The following DPF3 variants were observed in gnomAD, a reference collection of about 807,000 sequenced individuals.
The protein encoded by DPF3 is double PHD fingers 3.
In DPF3, 18 loss-of-function variants were observed where a neutral mutation model predicts 56.8. The ratio of observed to expected loss-of-function variants is 0.32; its 90% CI spans 0.22 to 0.47. The LOEUF (loss-of-function observed/expected upper bound fraction) is 0.47. Ranked by LOEUF, DPF3 falls within the 20% of genes least tolerant of loss-of-function variation. The pLI is 1.00. For synonymous variants in DPF3, 188 were observed against 180.2 expected (o/e 1.04, Z -0.35); for missense variants, 403 against 488.8 (o/e 0.82, Z 1.65).
chr14:72,871,712 A>T (rs1050655836), intron 1 of DPF3, among the ~76,000 whole-genome samples: 4 of 152,040 alleles, frequency 2.6e-5, no homozygotes, highest in African/African-American at 9.7e-5. Context: ...GGCAGGCCCT[A>T]CCTCCACTTT....
chr14:72,669,518 C>T (rs1262147498), intron 8 of DPF3, among the ~76,000 whole-genome samples: 1 of 152,130 alleles, frequency 6.6e-6, no homozygotes. Context: ...TAAGAAATAC[C>T]ACCTAGACAT....
intron 2 of DPF3, among the ~76,000 whole-genome samples, chr14:72,764,362 A>G (rs990601553): frequency 4.6e-5 from 7 of 151,880 alleles, no homozygotes; most frequent in Non-Finnish European, 2.9e-5. Flanking sequence ...TGGAGAAGGC[A>G]TGGAAGCTTC....
chr14:72,771,527 C>T (rs1231611389), intron 2 of DPF3, among the ~76,000 whole-genome samples: 1 of 151,902 alleles, frequency 6.6e-6, no homozygotes, highest in Non-Finnish European at 1.5e-5. Flanking sequence ...CTTCAATGCC[C>T]CACACCATCC....
At chr14:72,628,786 C>T (rs1388031796) in intron 9 of DPF3, among the ~76,000 whole-genome samples, 1 of 152,118 alleles carries the variant, frequency 6.6e-6, no homozygotes, top group African/African-American at 2.4e-5. Context: ...AAATGTCAGA[C>T]AGCACAGAGA....
chr14:72,772,892 G>C (rs1891593396), intron 1 of DPF3, among the ~76,000 whole-genome samples: 1 of 152,186 alleles, frequency 6.6e-6, no homozygotes, highest in Non-Finnish European at 1.5e-5. Context: ...TCGGGGGGCA[G>C]TGGACGCAAA....
chr14:72,627,788 G>T (rs1884920518), intron 9 of DPF3, among the ~76,000 whole-genome samples: 1 of 152,052 alleles, frequency 6.6e-6, no homozygotes, highest in Non-Finnish European at 1.5e-5. Flanking sequence ...AAGATCATAG[G>T]ATGCCTTTCA....
chr14:72,813,556 C>A (rs1038668815), intron 1 of DPF3, among the ~76,000 whole-genome samples: 1 of 152,186 alleles, frequency 6.6e-6, no homozygotes, highest in Non-Finnish European at 1.5e-5. Context: ...GCCTCCCCCC[C>A]GGCACCCATT....
At position 72,856,368 on chromosome 14, in the gene DPF3, T is replaced by A. The variant is rs532940933; in HGVS notation, c.32+37689A>T. Among the ~76,000 whole-genome samples, 4 of 152,228 alleles carry A rather than the reference T, an allele frequency of 2.6e-5. No homozygotes were observed. The South Asian group carries it at 6.2e-4, about 24-fold the overall frequency. On this transcript the variant is annotated intron_variant, in intron 1 of 10. Transcript: ENST00000556509. ...GCCAGCAGGACTCCCAGCCAGAACATTGTCAATTTACTCAGGGATCCATGA... is the reference window on the plus strand; with the variant it reads ...GCCAGCAGGACTCCCAGCCAGAACAATGTCAATTTACTCAGGGATCCATGA...
chr14:72,683,236 A>C (rs564337176), intron 7 of DPF3, among the ~76,000 whole-genome samples: 23 of 151,500 alleles, frequency 1.5e-4, no homozygotes, highest in African/African-American at 5.3e-4. Context: ...CTGAGGCAAG[A>C]GAATCACTTG....
intron 4 of DPF3, among the ~76,000 whole-genome samples, chr14:72,729,344 C>G (rs1889538888): frequency 6.6e-6 from 1 of 152,064 alleles, no homozygotes; most frequent in Admixed American, 6.6e-5. Flanking sequence ...ATGGCCAGGG[C>G]AAAGGCCTGA....
Position 72,611,261 on chromosome 14 carries a change from C to T in DPF3, c.*8036G>A, listed in dbSNP as rs74369745. Among the ~76,000 whole-genome samples the T allele has an allele frequency of 5.2e-3, 795 of 152,330 alleles. 6 individuals carry two copies. Among genetic ancestry groups the T allele is most frequent in the African/African-American group, 0.015 (604 of 41,568 alleles). ...TCAAAGCTGAAATCTGGCTGTGACA[C>T]GTGTGGAGAAAAGGAAAGATGAAAC... On this transcript the variant is annotated 3_prime_UTR_variant, in exon 11 of 11. Coordinates refer to ENST00000556509, the MANE Select transcript of DPF3 (RefSeq NM_001280542.3).
intron 5 of DPF3, among the ~76,000 whole-genome samples, chr14:72,717,698 C>T (rs1346448105): frequency 6.6e-6 from 1 of 152,188 alleles, no homozygotes; most frequent in African/African-American, 2.4e-5. Flanking sequence ...TTAGACCAAG[C>T]AGTGTTATGA....
chr14:72,689,702 G>A (rs1481727067), intron 7 of DPF3, among the ~76,000 whole-genome samples: 22 of 152,180 alleles, frequency 1.4e-4, no homozygotes, highest in Admixed American at 1.4e-3. Context: ...GGGGAATGTG[G>A]GAGGGAGCAG....
At chr14:72,776,372 T>C (rs1254330807) in intron 1 of DPF3, among the ~76,000 whole-genome samples, 1 of 152,148 alleles carries the variant, frequency 6.6e-6, no homozygotes, top group Non-Finnish European at 1.5e-5. Flanking sequence ...GCTGGCTGCC[T>C]AGTTCTAGGG....
intron 7 of DPF3, among the ~76,000 whole-genome samples, chr14:72,677,009 A>G (rs1886940704): frequency 6.6e-6 from 1 of 152,236 alleles, no homozygotes; most frequent in Non-Finnish European, 1.5e-5. Context: ...TCGTAAAAAG[A>G]CCAAAGGAAA....
At position 72,616,849 on chromosome 14, in the gene DPF3, C is replaced by T. The variant is rs941957302; in HGVS notation, c.*2448G>A. ...AACACAGAGGTGATAAATGTGACCA[C>T]GGAGACTTTTGTCTGCTTGTAGTAC... is the stretch of plus-strand genomic sequence containing the variant. On this transcript the variant is annotated 3_prime_UTR_variant, in exon 11 of 11. Transcript: ENST00000556509. Among the ~76,000 whole-genome samples the T allele has an allele frequency of 2.6e-5, 4 of 152,206 alleles. No homozygotes were observed. Among genetic ancestry groups the T allele is most frequent in the African/African-American group, 4.8e-5 (2 of 41,454 alleles).
At chr14:72,867,159 A>G (rs1885706552) in intron 1 of DPF3, among the ~76,000 whole-genome samples, 2 of 152,096 alleles carry the variant, frequency 1.3e-5, no homozygotes, top group Admixed American at 6.5e-5. Flanking sequence ...AGTCTCCCAA[A>G]GTGCTGGGAT....
At chr14:72,653,131 G>C (rs1235178695) in intron 8 of DPF3, among the ~76,000 whole-genome samples, 2 of 152,216 alleles carry the variant, frequency 1.3e-5, no homozygotes, top group African/African-American at 4.8e-5. Flanking sequence ...TCAGAAGGAA[G>C]ACCCGGAGTC....
chr14:72,723,780 A>G, intron 4 of DPF3, 52 bp from the exon 5 acceptor site: 1 of 1,492,996 alleles, frequency 6.7e-7, no homozygotes, highest in East Asian at 2.3e-5. Context: ...GCAAAGGGAA[A>G]AACCATCAGA....
Sources: gnomAD v4.1 joint callset for allele counts (sites outside exome capture counted in the v4.1 genomes callset) on GRCh38, gnomAD v4.1.1 for gene constraint, MANE v1.5 for transcripts, NCBI Gene and HGNC (gene_info 2026-07-23, HGNC 2026-07-21) for gene names.